Variants in VEPH1 observed in about 807,000 individuals in gnomAD.
VEPH1 encodes the protein ventricular zone expressed PH domain containing 1.
A neutral mutation model predicts 85.2 loss-of-function variants in VEPH1; 80 were observed. The observed-to-expected ratio is 0.94, with a 90% CI of 0.78 to 1.13. The LOEUF is 1.13. Ranked by LOEUF, VEPH1 falls within the 50% of genes most tolerant of loss-of-function variation. VEPH1 has a pLI of 0.00. For synonymous variants in VEPH1, 297 were observed against 348.0 expected (o/e 0.85, Z 1.63); for missense variants, 955 against 980.5 (o/e 0.97, Z 0.35).
chr3:157,399,681 T>G (rs1730670744), intron 6 of VEPH1, among the ~76,000 whole-genome samples: 1 of 152,140 alleles, frequency 6.6e-6, no homozygotes, highest in Non-Finnish European at 1.5e-5. Context: ...ATTTTAGCCT[T>G]AAAATATTAG....
At chr3:157,379,317 G>A (rs1426245454) in intron 7 of VEPH1, among the ~76,000 whole-genome samples, 1 of 151,876 alleles carries the variant, frequency 6.6e-6, no homozygotes, top group African/African-American at 2.4e-5. Context: ...TTTTTAATTT[G>A]TGGTATCCTT....
chr3:157,485,713 G>T (rs1466241804), intron 2 of VEPH1, among the ~76,000 whole-genome samples: 1 of 151,864 alleles, frequency 6.6e-6, no homozygotes, highest in African/African-American at 2.4e-5. Context: ...TTAAAAGACA[G>T]ATATTTTCTA....
At chr3:157,437,924 C>A (rs777529930) in intron 4 of VEPH1, 1 of 1,528,150 alleles carries the variant, frequency 6.5e-7, no homozygotes, top group Non-Finnish European at 8.7e-7. Context: ...GGTAAGGAGG[C>A]AAGCGGGGCC....
At chr3:157,485,476 T>C (rs1336634301) in intron 2 of VEPH1, among the ~76,000 whole-genome samples, 1 of 152,140 alleles carries the variant, frequency 6.6e-6, no homozygotes, top group Non-Finnish European at 1.5e-5. Flanking sequence ...TGCTAAAATG[T>C]TAAAGGCAAC....
At chr3:157,274,596 C>T (rs1715141605) in intron 12 of VEPH1, among the ~76,000 whole-genome samples, 1 of 152,176 alleles carries the variant, frequency 6.6e-6, no homozygotes, top group East Asian at 1.9e-4. Context: ...CTCCTGGGCT[C>T]AAGCGATTCT....
chr3:157,335,261 A>G (rs1722857777), intron 9 of VEPH1, among the ~76,000 whole-genome samples: 1 of 149,724 alleles, frequency 6.7e-6, no homozygotes, highest in Non-Finnish European at 1.5e-5. Context: ...TGCTGGGTGT[A>G]GTGGCCTGTG....
rs1482874204 is a variant in VEPH1, at chr3:157,272,532, A to G, written c.2129-6870T>C. ...GAGTGCAGTGACACAATCATGACTC[A>G]CTGCAGCCTCCAGATCCTGGGCTCA... is the stretch of plus-strand genomic sequence containing the variant. On this transcript the variant is annotated intron_variant, in intron 12 of 13. Transcript: ENST00000362010. Among the ~76,000 whole-genome samples, 3 of 146,418 alleles carry G rather than the reference A, an allele frequency of 2.0e-5. No individual in the cohort carries two copies. In the Admixed American group the frequency reaches 2.1e-4, roughly 10 times the overall value.
chr3:157,500,048 A>G (rs80147436), intron 1 of VEPH1, among the ~76,000 whole-genome samples: 6,982 of 152,278 alleles, frequency 0.046, 573 homozygotes, highest in African/African-American at 0.16. Context: ...AAACTTCACA[A>G]CATACGTACT....
At chr3:157,405,546 C>T (rs1272436969) in intron 6 of VEPH1, among the ~76,000 whole-genome samples, 2 of 152,240 alleles carry the variant, frequency 1.3e-5, no homozygotes, top group Non-Finnish European at 2.9e-5. Flanking sequence ...ATCTCTCCCC[C>T]TCCCCTCCAT....
chr3:157,397,643 G>C (rs920480215), intron 6 of VEPH1, among the ~76,000 whole-genome samples: 1 of 152,084 alleles, frequency 6.6e-6, no homozygotes, highest in Non-Finnish European at 1.5e-5. Context: ...CACTTCCCTT[G>C]TTAACTGTAT....
chr3:157,321,113 A>T (rs1307705109), intron 9 of VEPH1, among the ~76,000 whole-genome samples: 1 of 152,182 alleles, frequency 6.6e-6, no homozygotes, highest in Admixed American at 6.5e-5. Flanking sequence ...AATATCAAAG[A>T]ATTGGCTTTA....
chr3:157,432,510 GTT>G (rs1257958562), intron 4 of VEPH1, among the ~76,000 whole-genome samples: 2 of 151,718 alleles, frequency 1.3e-5, no homozygotes, highest in Non-Finnish European at 2.9e-5. Context: ...TTAATTATAT[GTT>G]TTTCTTTGTA....
intron 5 of VEPH1, among the ~76,000 whole-genome samples, chr3:157,421,157 A>G (rs1187285697): frequency 6.6e-6 from 1 of 152,202 alleles, no homozygotes; most frequent in Non-Finnish European, 1.5e-5. Flanking sequence ...TCAGTTAGCC[A>G]CATCGTGGAG....
intron 6 of VEPH1, among the ~76,000 whole-genome samples, chr3:157,393,525 A>G (rs1442739899): frequency 6.6e-6 from 1 of 152,244 alleles, no homozygotes; most frequent in Non-Finnish European, 1.5e-5. Context: ...GTTACTTAGT[A>G]CAGCCTGAAT....
At chr3:157,291,486 A>G (rs1211079690) in intron 11 of VEPH1, among the ~76,000 whole-genome samples, 1 of 152,220 alleles carries the variant, frequency 6.6e-6, no homozygotes, top group East Asian at 1.9e-4. Context: ...TTACTATTGG[A>G]TTCAATTTAT....
intron 12 of VEPH1, among the ~76,000 whole-genome samples, chr3:157,281,933 G>C (rs922584090): frequency 6.6e-6 from 1 of 152,132 alleles, no homozygotes; most frequent in African/African-American, 2.4e-5. Flanking sequence ...AAGGCTATTG[G>C]TGGCCTTATG....
chr3:157,417,559 A>G (rs746828688), intron 5 of VEPH1, among the ~76,000 whole-genome samples: 1 of 152,132 alleles, frequency 6.6e-6, no homozygotes, highest in Non-Finnish European at 1.5e-5. Context: ...CAAAATTCCA[A>G]TGCTGTGGTA....
intron 11 of VEPH1, among the ~76,000 whole-genome samples, chr3:157,288,220 A>C (rs1344577688): frequency 6.6e-6 from 1 of 152,204 alleles, no homozygotes; most frequent in Non-Finnish European, 1.5e-5. Context: ...TTGGCCTTGC[A>C]TGTACCCAGC....
intron 4 of VEPH1, chr3:157,459,759 T>C: frequency 6.9e-7 from 1 of 1,446,380 alleles, no homozygotes; most frequent in Non-Finnish European, 9.1e-7. Context: ...ATTACACATT[T>C]TCTGATGTAT....
Sources: gnomAD v4.1 joint callset for allele counts (sites outside exome capture counted in the v4.1 genomes callset) on GRCh38, gnomAD v4.1.1 for gene constraint, MANE v1.5 for transcripts, NCBI Gene and HGNC (gene_info 2026-07-23, HGNC 2026-07-21) for gene names.